Variants in LARGE1 observed in about 807,000 individuals in gnomAD.
The protein encoded by LARGE1 is xylosyl- and glucuronyltransferase LARGE1.
In LARGE1, 43 loss-of-function variants were observed where a neutral mutation model predicts 87.6. The ratio of observed to expected loss-of-function variants is 0.49; its 90% CI spans 0.38 to 0.63. LARGE1 has a LOEUF of 0.63. LARGE1 is among the 30% of genes least tolerant of loss of function. The probability of loss-of-function intolerance (pLI) is 0.00; values close to 1 mark genes in which losing one functional copy is unlikely to be tolerated. For missense variants in LARGE1, 802 were observed against 1,000.2 expected (o/e 0.80, Z 2.67); for synonymous variants, 434 against 394.6 (o/e 1.10, Z -1.18).
intron 7 of LARGE1, among the ~76,000 whole-genome samples, chr22:33,393,373 T>C (rs772094346): frequency 2.0e-5 from 3 of 152,256 alleles, no homozygotes; most frequent in Non-Finnish European, 2.9e-5. Flanking sequence ...ACAGAAACTA[T>C]ACATTTCCTC....
chr22:33,635,467 G>C (rs2080242836), intron 3 of LARGE1, among the ~76,000 whole-genome samples: 1 of 152,158 alleles, frequency 6.6e-6, no homozygotes, highest in Non-Finnish European at 1.5e-5. Context: ...AAGGGGTCCA[G>C]TATGACACAG....
At chr22:33,745,176 G>C (rs541536609) in intron 2 of LARGE1, among the ~76,000 whole-genome samples, 3 of 152,326 alleles carry the variant, frequency 2.0e-5, no homozygotes, top group African/African-American at 4.8e-5. Flanking sequence ...TGTCACTGAA[G>C]CATCTGGAAT....
At chr22:33,278,553 T>A (rs922618573) in intron 13 of LARGE1, among the ~76,000 whole-genome samples, 13 of 148,670 alleles carry the variant, frequency 8.7e-5, no homozygotes, top group African/African-American at 1.5e-4. Context: ...TCTCTCTCTC[T>A]CACACACACA....
At chr22:33,528,171 T>C (rs1252822877) in intron 6 of LARGE1, among the ~76,000 whole-genome samples, 1 of 151,990 alleles carries the variant, frequency 6.6e-6, no homozygotes, top group African/African-American at 2.4e-5. Context: ...AAATGTCCAA[T>C]ATTAAGGATA....
At chr22:33,374,186 A>G (rs2064919714) in intron 9 of LARGE1, among the ~76,000 whole-genome samples, 2 of 152,252 alleles carry the variant, frequency 1.3e-5, no homozygotes, top group Non-Finnish European at 2.9e-5. Flanking sequence ...TATGGTATAC[A>G]TTCCTAACCT....
chr22:33,186,958 G>A (rs137396), intron 11 of LARGE1, among the ~76,000 whole-genome samples: 91,009 of 151,932 alleles, frequency 0.6, 27,505 homozygotes, highest in Middle Eastern at 0.66. Flanking sequence ...AACATGGTGG[G>A]TTCATGAATT....
chr22:33,892,202 A>C (rs2065023719), intron 1 of LARGE1, among the ~76,000 whole-genome samples: 1 of 152,176 alleles, frequency 6.6e-6, no homozygotes. Context: ...GTCTTGAGGC[A>C]ACGATCACTT....
chr22:33,138,120 G>A, the LARGE1 span, among the ~76,000 whole-genome samples: 1 of 152,196 alleles, frequency 6.6e-6, no homozygotes, highest in Non-Finnish European at 1.5e-5. Flanking sequence ...GATGGAGTCT[G>A]TACCCTACAA....
intron 9 of LARGE1, among the ~76,000 whole-genome samples, chr22:33,344,529 A>G (rs1250454147): frequency 6.6e-6 from 1 of 152,152 alleles, no homozygotes; most frequent in Non-Finnish European, 1.5e-5. Flanking sequence ...ACTTACCGAG[A>G]GTCACACAGC....
chr22:33,340,801 G>A (rs944556423), intron 9 of LARGE1, among the ~76,000 whole-genome samples: 2 of 151,906 alleles, frequency 1.3e-5, no homozygotes, highest in Admixed American at 1.3e-4. Context: ...AAACAGTGAA[G>A]AAGTGACTTG....
chr22:33,509,317 T>A (rs980473504), intron 6 of LARGE1, among the ~76,000 whole-genome samples: 3 of 151,966 alleles, frequency 2.0e-5, no homozygotes, highest in Non-Finnish European at 4.4e-5. Context: ...CAAGACCCTC[T>A]CCCCATCTCA....
chr22:33,135,794 T>C, the LARGE1 span, among the ~76,000 whole-genome samples: 3 of 152,190 alleles, frequency 2.0e-5, no homozygotes, highest in Admixed American at 2.0e-4. Context: ...GAGCTGAAAT[T>C]GCTCTACCGC....
chr22:33,535,350 C>T (rs965327339), intron 6 of LARGE1, among the ~76,000 whole-genome samples: 1 of 152,100 alleles, frequency 6.6e-6, no homozygotes, highest in African/African-American at 2.4e-5. Flanking sequence ...TTGAGATCAG[C>T]CCGGCCAACA....
chr22:33,364,166 T>C (rs1186162386), intron 9 of LARGE1, among the ~76,000 whole-genome samples: 4 of 152,068 alleles, frequency 2.6e-5, no homozygotes, highest in Admixed American at 6.6e-5. Context: ...GCCATTCTCC[T>C]GCCTCAGCCT....
intron 1 of LARGE1, among the ~76,000 whole-genome samples, chr22:33,892,412 C>T (rs778692731): frequency 4.6e-5 from 7 of 152,186 alleles, no homozygotes; most frequent in Non-Finnish European, 7.3e-5. Flanking sequence ...TCTTTTAAGG[C>T]ATAGGCTTAA....
At chr22:33,581,365 T>C (rs2078513317) in intron 5 of LARGE1, among the ~76,000 whole-genome samples, 1 of 152,198 alleles carries the variant, frequency 6.6e-6, no homozygotes, top group Non-Finnish European at 1.5e-5. Flanking sequence ...TTTGATACCT[T>C]TGTGCACCTT....
At chr22:33,336,734 T>C (rs1938491361) in intron 10 of LARGE1, among the ~76,000 whole-genome samples, 1 of 152,132 alleles carries the variant, frequency 6.6e-6, no homozygotes, top group Non-Finnish European at 1.5e-5. Context: ...GCAACCTGCC[T>C]AATCTCTCTG....
At chr22:33,886,747 TAAGACA>T (rs1211063508) in intron 1 of LARGE1, among the ~76,000 whole-genome samples, 2 of 149,842 alleles carry the variant, frequency 1.3e-5, no homozygotes, top group Non-Finnish European at 3.0e-5. Flanking sequence ...GAAAAACATG[TAAGACA>T]TTAAAATTAA....
At chr22:33,870,850 G>T (rs1003344955) in intron 1 of LARGE1, among the ~76,000 whole-genome samples, 2 of 152,300 alleles carry the variant, frequency 1.3e-5, no homozygotes, top group South Asian at 4.1e-4. Flanking sequence ...TTACAGGCGT[G>T]AGCCACCGTG....
Sources: allele counts gnomAD v4.1 joint callset (sites outside exome capture counted in the v4.1 genomes callset), GRCh38; gene constraint gnomAD v4.1.1; transcripts MANE v1.5; gene names NCBI Gene and HGNC (gene_info 2026-07-23, HGNC 2026-07-21).